Variants in KIT observed in about 807,000 individuals in gnomAD.
KIT encodes mast/stem cell growth factor receptor Kit.
Under a neutral mutation model 105.7 loss-of-function variants are expected in KIT, and 16 were observed. The observed-to-expected ratio is 0.15, with a 90% CI of 0.10 to 0.23. The LOEUF is 0.23. KIT is among the 10% of genes least tolerant of loss of function. The pLI is 1.00. For missense variants in KIT, 858 were observed against 1,213.8 expected (o/e 0.71, Z 4.36); for synonymous variants, 438 against 441.1 (o/e 0.99, Z 0.09).
intron 1 of KIT, among the ~76,000 whole-genome samples, chr4:54,675,549 G>A (rs77742114): frequency 2.0e-5 from 3 of 152,206 alleles, no homozygotes; most frequent in African/African-American, 7.2e-5. Context: ...TTGTCCATTA[G>A]TGTGCTTTTA....
At position 54,663,031 on chromosome 4, in the gene KIT, C is replaced by T. The variant is rs1577906667; in HGVS notation, c.67+4950C>T. On this transcript the variant is annotated intron_variant, in intron 1 of 20. Transcript: ENST00000288135. Reference sequence around the variant, plus strand: ...CTACACATCTTGTAAGATTCTCCAACATAACATTTGTGTCTGGTACTTTTC... The same window carrying T: ...CTACACATCTTGTAAGATTCTCCAATATAACATTTGTGTCTGGTACTTTTC... Among the ~76,000 whole-genome samples the T allele has an allele frequency of 3.1e-5, 3 of 97,846 alleles. No homozygotes were observed. In the East Asian group the frequency reaches 7.4e-4, roughly 24 times the overall value. 64.2% of individuals were successfully genotyped at this position (97,846 alleles called of 152,430 possible).
rs115239043 is a variant in KIT at position 54,729,767 on chromosome 4, G to T, written c.2141+282G>T. On this transcript the variant is annotated intron_variant, in intron 14 of 20. Coordinates refer to ENST00000288135, the MANE Select transcript of KIT (RefSeq NM_000222.3). Reference sequence around the variant, plus strand: ...TGCATTCTATATCTGTTTCTCTTACGGTTCTGTCCTGCATGTATTTCCATT... The same window carrying T: ...TGCATTCTATATCTGTTTCTCTTACTGTTCTGTCCTGCATGTATTTCCATT... 0.014 allele frequency among the ~76,000 whole-genome samples: 2,123 copies of T among 152,126 alleles called. 24 individuals carry two copies. The highest frequency in any genetic ancestry group is 0.022 in the East Asian group (114 of 5,174).
At chr4:54,724,720 C>T (rs901855724) in intron 8 of KIT, among the ~76,000 whole-genome samples, 2 of 150,578 alleles carry the variant, frequency 1.3e-5, no homozygotes, top group Non-Finnish European at 3.0e-5. Flanking sequence ...TTAGGCCACA[C>T]ATAAAATATA....
intron 16 of KIT, 110 bp downstream of exon 16, chr4:54,732,108 A>C: frequency 8.0e-7 from 1 of 1,253,698 alleles, no homozygotes; most frequent in Non-Finnish European, 1.1e-6. Context: ...TAAAATGCAG[A>C]ATGTCATTTT....
At position 54,714,485 on chromosome 4, in the gene KIT, T is replaced by C. The variant is rs560234775; in HGVS notation, c.1231+4946T>C. On this transcript the variant is annotated intron_variant, in intron 7 of 20. Coordinates refer to ENST00000288135, the MANE Select transcript of KIT (RefSeq NM_000222.3). Reference sequence around the variant, plus strand: ...TTTCTTGAATAAATAACAAACTTTATAGTGGACTTAAAGGATAATCAGTAA... The same window carrying C: ...TTTCTTGAATAAATAACAAACTTTACAGTGGACTTAAAGGATAATCAGTAA... 2.0e-5 allele frequency among the ~76,000 whole-genome samples: 3 copies of C among 152,282 alleles called. No homozygotes were observed. The South Asian group carries it at 6.2e-4, about 32-fold the overall frequency.
chr4:54,680,880 G>A (rs556163200), intron 1 of KIT, among the ~76,000 whole-genome samples: 41 of 152,218 alleles, frequency 2.7e-4, no homozygotes, highest in Middle Eastern at 3.4e-3. Context: ...CACTTGTCAG[G>A]TCCTCCTGCA....
intron 7 of KIT, among the ~76,000 whole-genome samples, chr4:54,712,617 A>G (rs1174899051): frequency 6.6e-6 from 1 of 152,166 alleles, no homozygotes; most frequent in Admixed American, 6.5e-5. Context: ...AATTGCTACT[A>G]GGCTAATTTG....
intron 11 of KIT, 65 bp downstream of exon 11, chr4:54,727,607 A>C (rs2109778187): frequency 6.3e-7 from 1 of 1,593,416 alleles, no homozygotes; most frequent in Non-Finnish European, 8.6e-7. Flanking sequence ...ACTTTAAGGA[A>C]CTCCAGTGGC....
chr4:54,684,734 T>TGCCATACCA (rs1158793723), intron 1 of KIT, among the ~76,000 whole-genome samples: 2 of 152,230 alleles, frequency 1.3e-5, no homozygotes, highest in Admixed American at 1.3e-4. Flanking sequence ...GTCCCACTTC[T>TGCCATACCA]GCCATACCAA....
At chr4:54,669,880 A>G (rs916280902) in intron 1 of KIT, among the ~76,000 whole-genome samples, 2 of 152,112 alleles carry the variant, frequency 1.3e-5, no homozygotes, top group African/African-American at 4.8e-5. Flanking sequence ...AAGCAACTAG[A>G]ACAATAGGAA....
intron 4 of KIT, among the ~76,000 whole-genome samples, chr4:54,702,501 C>T (rs1355582735): frequency 6.6e-6 from 1 of 151,938 alleles, no homozygotes; most frequent in African/African-American, 2.4e-5. Context: ...CTTATAAATG[C>T]TATATAGTCT....
rs2109671194 is a variant in KIT at position 54,698,242 on chromosome 4, G to T, written c.338-42G>T. ...TTTAAAAAGTGTTTTCAGTGTCTGT[G>T]ACCAGCCATTCCAACTACTGATTTT... On this transcript the variant is annotated intron_variant, in intron 2 of 20. Transcript: ENST00000288135. 1.9e-6 allele frequency: 3 copies of T among 1,585,508 alleles called. No individual in the cohort carries two copies. In the South Asian group the frequency reaches 3.4e-5, roughly 18 times the overall value.
chr4:54,729,065 C>G (rs1406970013), intron 13 of KIT, among the ~76,000 whole-genome samples: 1 of 152,178 alleles, frequency 6.6e-6, no homozygotes, highest in African/African-American at 2.4e-5. Context: ...GCAGTAACTT[C>G]TCTCTGTAAA....
intron 1 of KIT, among the ~76,000 whole-genome samples, chr4:54,682,377 C>T (rs980655899): frequency 5.3e-5 from 8 of 152,106 alleles, no homozygotes; most frequent in African/African-American, 1.7e-4. Context: ...CATGGGCCAC[C>T]GTGCCTGGCC....
intron 8 of KIT, among the ~76,000 whole-genome samples, chr4:54,724,359 G>C (rs980566865): frequency 6.6e-6 from 1 of 152,208 alleles, no homozygotes; most frequent in Non-Finnish European, 1.5e-5. Context: ...CAATTGAATA[G>C]TTAGTATGGT....
At chr4:54,728,503 T>C (rs1722380281) in intron 13 of KIT, among the ~76,000 whole-genome samples, 1 of 152,206 alleles carries the variant, frequency 6.6e-6, no homozygotes, top group South Asian at 2.1e-4. Flanking sequence ...CGCCTAAGCC[T>C]ACTGGTTCTC....
intron 5 of KIT, 67 bp downstream of exon 5, chr4:54,703,959 C>T: frequency 8.1e-7 from 1 of 1,228,088 alleles, no homozygotes; most frequent in Admixed American, 1.7e-5. Flanking sequence ...TAGACAGTTT[C>T]TTTTTTATGT....
At chr4:54,670,716 C>G (rs1718042502) in intron 1 of KIT, among the ~76,000 whole-genome samples, 1 of 152,268 alleles carries the variant, frequency 6.6e-6, no homozygotes, top group East Asian at 1.9e-4. Context: ...ACTCCTCTCT[C>G]CCAAAGCCAG....
At chr4:54,666,287 T>A (rs1284100047) in intron 1 of KIT, among the ~76,000 whole-genome samples, 1 of 152,048 alleles carries the variant, frequency 6.6e-6, no homozygotes, top group Non-Finnish European at 1.5e-5. Context: ...TTTTTTTGTT[T>A]TGTTTTGTTT....
Sources: gnomAD v4.1 joint callset for allele counts (sites outside exome capture counted in the v4.1 genomes callset) on GRCh38, gnomAD v4.1.1 for gene constraint, MANE v1.5 for transcripts, NCBI Gene and HGNC (gene_info 2026-07-23, HGNC 2026-07-21) for gene names.